The following KIF2A variants were observed in gnomAD, a reference collection of about 807,000 sequenced individuals.
KIF2A encodes kinesin family member 2A, also known as kinesin-like protein KIF2A.
KIF2A carries 22 observed loss-of-function variants against 100.2 expected under a neutral mutation model. The ratio of observed to expected loss-of-function variants is 0.22; its 90% CI spans 0.16 to 0.31. KIF2A has a LOEUF of 0.31. KIF2A is among the 10% of genes least tolerant of loss of function. The pLI is 1.00. For missense variants in KIF2A, 495 were observed against 898.7 expected, an observed-to-expected ratio of 0.55 and a Z score of 5.74; for synonymous variants, 268 against 285.9, an observed-to-expected ratio of 0.94 and a Z score of 0.63.
chr5:62,334,202 T>C (rs1746808567), intron 1 of KIF2A, among the ~76,000 whole-genome samples: 1 of 151,764 alleles, frequency 6.6e-6, no homozygotes, highest in Non-Finnish European at 1.5e-5. Flanking sequence ...TACTCTAGCC[T>C]GAATAGGGGC....
chr5:62,321,587 G>A (rs1746092573), intron 1 of KIF2A, among the ~76,000 whole-genome samples: 1 of 152,074 alleles, frequency 6.6e-6, no homozygotes, highest in East Asian at 1.9e-4. Context: ...TTAAAGGATA[G>A]AGTCTTATTC....
In KIF2A at chr5:62,332,423, T is replaced by C. The variant is rs182410875; in HGVS notation, c.65-14707T>C. On this transcript the variant is annotated intron_variant, in intron 1 of 20. Transcript: ENST00000407818. ...AGATATTAAAAGTTGAGATGTGAACTGTTTTCCCTTTAATTTCGTCCTAAC... is the reference window on the plus strand; with the variant it reads ...AGATATTAAAAGTTGAGATGTGAACCGTTTTCCCTTTAATTTCGTCCTAAC... 6.0e-3 allele frequency among the ~76,000 whole-genome samples: 912 copies of C among 152,352 alleles called. 5 individuals are homozygous for C. The highest frequency in any genetic ancestry group is 0.01 in the Admixed American group (158 of 15,308).
At chr5:62,349,275 T>G (rs1466779310) in intron 3 of KIF2A, among the ~76,000 whole-genome samples, 1 of 151,260 alleles carries the variant, frequency 6.6e-6, no homozygotes, top group Non-Finnish European at 1.5e-5. Flanking sequence ...AAGGATTTAT[T>G]TTAATTATAA....
chr5:62,372,643 A>G (rs963185681), intron 17 of KIF2A, 92 bp downstream of exon 17: 5 of 718,964 alleles, frequency 7.0e-6, no homozygotes, highest in Non-Finnish European at 8.9e-6. Flanking sequence ...TTTTGTCCTG[A>G]GCCATTTTAG....
chr5:62,332,645 A>AT (rs1344279942), intron 1 of KIF2A, among the ~76,000 whole-genome samples: 6 of 152,076 alleles, frequency 3.9e-5, no homozygotes, highest in Non-Finnish European at 7.4e-5. Flanking sequence ...TGAAATTGTC[A>AT]TTTTTTTAGG....
chr5:62,363,403 C>A, intron 13 of KIF2A, 83 bp downstream of exon 13: 1 of 1,249,284 alleles, frequency 8.0e-7, no homozygotes, highest in Non-Finnish European at 1.1e-6. Context: ...TGTTATCTAT[C>A]AATACATCTT....
chr5:62,382,016 G>A (rs934030577), intron 20 of KIF2A, among the ~76,000 whole-genome samples: 4 of 152,172 alleles, frequency 2.6e-5, no homozygotes, highest in Non-Finnish European at 2.9e-5. Flanking sequence ...TTCTTTATGT[G>A]TTAATTTCTT....
chr5:62,346,047 T>TATA (rs904110157), intron 1 of KIF2A, among the ~76,000 whole-genome samples: 17 of 152,108 alleles, frequency 1.1e-4, no homozygotes, highest in Admixed American at 1.0e-3. Flanking sequence ...TTGCAGTGTT[T>TATA]ATAATAATAA....
At chr5:62,323,748 A>AT (rs924464161) in intron 1 of KIF2A, among the ~76,000 whole-genome samples, 6 of 151,922 alleles carry the variant, frequency 3.9e-5, no homozygotes, top group South Asian at 4.2e-4. Context: ...AACACTTTAA[A>AT]TTTTTTTTGC....
intron 11 of KIF2A, 88 bp from the exon 12 acceptor site, chr5:62,362,354 TAAAGAGTA>T: frequency 2.0e-6 from 1 of 496,380 alleles, no homozygotes; most frequent in Non-Finnish European, 3.5e-6. Flanking sequence ...TTATCCTAGG[TAAAGAGTA>T]ACTGATTCCT....
intron 15 of KIF2A, among the ~76,000 whole-genome samples, chr5:62,365,604 C>A (rs1741027446): frequency 6.6e-6 from 1 of 151,716 alleles, no homozygotes; most frequent in Non-Finnish European, 1.5e-5. Flanking sequence ...TTTTCTCTTT[C>A]TCTTTCTTTC....
At chr5:62,377,173 T>C (rs1466461126) in intron 18 of KIF2A, among the ~76,000 whole-genome samples, 1 of 152,058 alleles carries the variant, frequency 6.6e-6, no homozygotes, top group Non-Finnish European at 1.5e-5. Flanking sequence ...AAGAAATTAG[T>C]TAAGAGTTAA....
intron 1 of KIF2A, chr5:62,308,559 TGTGTATAGACAATGTACAATGGA>T (rs1579990337): frequency 1.4e-6 from 1 of 702,624 alleles, no homozygotes. Context: ...CGTTTATGTG[TGTGTATAGACAATGTACAATGGA>T]ACATTATTCA....
intron 1 of KIF2A, among the ~76,000 whole-genome samples, chr5:62,344,064 G>A (rs1396846249): frequency 2.0e-5 from 3 of 152,082 alleles, no homozygotes; most frequent in African/African-American, 4.8e-5. Context: ...TGCAGTTACC[G>A]GCTGGGCGCA....
intron 20 of KIF2A, among the ~76,000 whole-genome samples, chr5:62,384,829 T>G (rs1741942325): frequency 6.6e-6 from 1 of 152,144 alleles, no homozygotes; most frequent in South Asian, 2.1e-4. Flanking sequence ...ATATTTTACA[T>G]GTTCATAGCT....
At chr5:62,377,222 T>G (rs1296803003) in intron 18 of KIF2A, among the ~76,000 whole-genome samples, 3 of 152,242 alleles carry the variant, frequency 2.0e-5, no homozygotes, top group Non-Finnish European at 4.4e-5. Flanking sequence ...TGAAAGACAT[T>G]TTCTTTACAT....
chr5:62,366,438 G>A lies in KIF2A; in HGVS notation c.1603G>A (p.Ala535Thr), dbSNP rs867247832. The A allele has an allele frequency of 6.3e-7, 1 of 1,580,552 alleles. No homozygotes were observed. ...GATTGCCACAATCTCTCCAGGAATG[G>A]CATCCTGTGAAAATACTCTTAATAC... ...CMIATISPGM[A>T]SCENTLNTLR... The change falls in exon 16 of 21, where the codon GCA (alanine) becomes ACA (threonine). Residue 535 changes from alanine (A) to threonine (T), a missense_variant. Around this residue, in one of 10 missense-constraint regions of KIF2A, gnomAD observed 100 missense variants for 138.2 expected, o/e 0.72. Coordinates refer to ENST00000407818, the MANE Select transcript of KIF2A (RefSeq NM_001098511.3).
intron 1 of KIF2A, among the ~76,000 whole-genome samples, chr5:62,339,785 G>T (rs1185576045): frequency 1.3e-5 from 2 of 150,470 alleles, no homozygotes; most frequent in African/African-American, 4.9e-5. Context: ...AAACACACAG[G>T]TCTTAAAATA....
At chr5:62,345,931 T>A (rs1747543135) in intron 1 of KIF2A, among the ~76,000 whole-genome samples, 1 of 152,078 alleles carries the variant, frequency 6.6e-6, no homozygotes, top group Admixed American at 6.6e-5. Flanking sequence ...ATAAATTTTT[T>A]AAAAAGTATT....
Sources: allele counts gnomAD v4.1 joint callset (sites outside exome capture counted in the v4.1 genomes callset), GRCh38; gene constraint gnomAD v4.1.1; regional missense constraint gnomAD v4.1.1; transcripts MANE v1.5; gene names NCBI Gene and HGNC (gene_info 2026-07-23, HGNC 2026-07-21).